Variants in PIP5K1C observed in about 807,000 individuals in gnomAD.
The protein encoded by PIP5K1C is phosphatidylinositol 4-phosphate 5-kinase type-1 gamma.
In PIP5K1C, 45 loss-of-function variants were observed where a neutral mutation model predicts 80.1. The ratio of observed to expected loss-of-function variants is 0.56; its 90% CI spans 0.44 to 0.72. The LOEUF is 0.72. Among genes scored for constraint, PIP5K1C ranks in the 30% least tolerant of loss-of-function variants. PIP5K1C has a pLI of 0.00. For missense variants in PIP5K1C, 753 were observed against 954.6 expected (o/e 0.79, Z 2.78); for synonymous variants, 498 against 420.1 (o/e 1.19, Z -2.27).
intron 7 of PIP5K1C, among the ~76,000 whole-genome samples, chr19:3,652,684 C>T (rs556013458): frequency 2.0e-4 from 30 of 152,316 alleles, no homozygotes; most frequent in African/African-American, 6.0e-4. Flanking sequence ...ACGGAGCCAA[C>T]GCAGGCTCCA....
chr19:3,679,846 G>T (rs1044747190), intron 1 of PIP5K1C, among the ~76,000 whole-genome samples: 1 of 152,242 alleles, frequency 6.6e-6, no homozygotes, highest in Admixed American at 6.5e-5. Flanking sequence ...CACGCATGGT[G>T]GACGGAGTGG....
chr19:3,659,302 T>A (rs2034749769), intron 5 of PIP5K1C, among the ~76,000 whole-genome samples: 2 of 152,164 alleles, frequency 1.3e-5, no homozygotes, highest in African/African-American at 4.8e-5. Flanking sequence ...CCCAAGAGAA[T>A]TCTCACACTC....
At chr19:3,689,879 C>T (rs1353518046) in intron 1 of PIP5K1C, among the ~76,000 whole-genome samples, 1 of 152,124 alleles carries the variant, frequency 6.6e-6, no homozygotes, top group Non-Finnish European at 1.5e-5. Context: ...CATGGCAAAA[C>T]GTTAGCAGCT....
chr19:3,635,134 A>C (rs1260707505), intron 16 of PIP5K1C, among the ~76,000 whole-genome samples: 1 of 152,220 alleles, frequency 6.6e-6, no homozygotes, highest in Non-Finnish European at 1.5e-5. Flanking sequence ...CCCTGAAAGA[A>C]CTGGCCCGCA....
In PIP5K1C at chr19:3,641,666, C is replaced by A. The variant is rs768309914; in HGVS notation, c.1787+39G>T. 6.0e-6 allele frequency: 9 copies of A among 1,499,476 alleles called. No homozygotes were observed. The South Asian group carries it at 1.0e-4, about 17-fold the overall frequency. The allele number at this position is 1,499,476 out of a possible 1,614,324, so 92.9% of individuals were successfully genotyped here. A position where few individuals can be genotyped will look rare whatever the true frequency, so the allele number is the denominator to read the frequency against. ...GCTCTTGGCTCCTCTGGGCCCGCAGCAGGTGGGCGCCCCGACCTCCCGCCG... is the reference window on the plus strand; with the variant it reads ...GCTCTTGGCTCCTCTGGGCCCGCAGAAGGTGGGCGCCCCGACCTCCCGCCG... On this transcript the variant is annotated intron_variant, in intron 15 of 17. Transcript: ENST00000335312.
chr19:3,671,018 G>C (rs749018907), intron 1 of PIP5K1C, among the ~76,000 whole-genome samples: 21 of 152,260 alleles, frequency 1.4e-4, no homozygotes, highest in Non-Finnish European at 2.5e-4. Flanking sequence ...GGCGGCCCGG[G>C]AGCAGAACAA....
intron 3 of PIP5K1C, among the ~76,000 whole-genome samples, chr19:3,663,897 T>C (rs2034920322): frequency 6.6e-6 from 1 of 152,040 alleles, no homozygotes; most frequent in Admixed American, 6.5e-5. Context: ...AACGAACACA[T>C]GTATCCACAC....
chr19:3,652,231 G>A (rs900766592), intron 7 of PIP5K1C, among the ~76,000 whole-genome samples, 200 bp from the exon 8 acceptor site: 16 of 152,236 alleles, frequency 1.1e-4, no homozygotes, highest in Admixed American at 4.6e-4. Flanking sequence ...CGGCATCAGA[G>A]CAGGCCAGAG....
At chr19:3,697,105 C>T (rs1321562281) in intron 1 of PIP5K1C, among the ~76,000 whole-genome samples, 1 of 146,412 alleles carries the variant, frequency 6.8e-6, no homozygotes, top group African/African-American at 2.6e-5. Context: ...CGAGGAGGAC[C>T]AAGGAGGACC....
intron 1 of PIP5K1C, 53 bp downstream of exon 1, chr19:3,700,244 T>G: frequency 9.7e-7 from 1 of 1,030,656 alleles, no homozygotes; most frequent in Non-Finnish European, 1.2e-6. Flanking sequence ...CCCGCGACTC[T>G]CGGCGCTCGG....
At chr19:3,633,382 C>A in intron 17 of PIP5K1C, 55 bp downstream of exon 17, 1 of 1,353,052 alleles carries the variant, frequency 7.4e-7, no homozygotes, top group Non-Finnish European at 1.0e-6. Flanking sequence ...GGGGACCACG[C>A]TCAGTAGAAC....
In PIP5K1C at chr19:3,638,896, G is replaced by A. The variant is rs374497446; in HGVS notation, c.1908C>T (p.Thr636=). Residue 636 remains threonine (T), a synonymous_variant, in exon 16 of 18, where the codon ACC becomes ACT. Transcript: ENST00000335312. ...CCGGGGCACTTACAAAGTAGATGTC[G>A]GTGGCGGGCGCGTCCTCCTCGTCCG... ...QASDEEDAPA[T]DIYFPTDERS... The A allele has an allele frequency of 2.4e-5, 38 of 1,613,012 alleles. No individual in the cohort carries two copies. The highest frequency in any genetic ancestry group is 1.8e-4 in the South Asian group (16 of 91,072).
At chr19:3,685,276 T>G (rs2035720944) in intron 1 of PIP5K1C, among the ~76,000 whole-genome samples, 1 of 152,196 alleles carries the variant, frequency 6.6e-6, no homozygotes, top group Admixed American at 6.5e-5. Context: ...TGTGTGCCCT[T>G]GGCAGCAACT....
intron 15 of PIP5K1C, among the ~76,000 whole-genome samples, chr19:3,641,413 T>C (rs1457231440): frequency 6.6e-6 from 1 of 152,100 alleles, no homozygotes; most frequent in African/African-American, 2.4e-5. Context: ...CACTGCAGGC[T>C]GATGCTGAGC....
At chr19:3,676,976 C>G (rs558227110) in intron 1 of PIP5K1C, among the ~76,000 whole-genome samples, 1 of 152,100 alleles carries the variant, frequency 6.6e-6, no homozygotes, top group African/African-American at 2.4e-5. Flanking sequence ...GTGGTGCACA[C>G]CTGTATTTCT....
chr19:3,686,590 C>T (rs1465113845), intron 1 of PIP5K1C, among the ~76,000 whole-genome samples: 4 of 151,452 alleles, frequency 2.6e-5, no homozygotes, highest in African/African-American at 7.3e-5. Flanking sequence ...TGATGGCGGG[C>T]GCCTGTAATC....
intron 1 of PIP5K1C, among the ~76,000 whole-genome samples, chr19:3,679,236 G>A (rs1264650603): frequency 2.6e-5 from 4 of 152,062 alleles, no homozygotes; most frequent in South Asian, 2.1e-4. Context: ...GTGGGGACAC[G>A]GGTCACAGAG....
At chr19:3,668,695 C>T (rs987049763) in intron 1 of PIP5K1C, among the ~76,000 whole-genome samples, 2 of 152,192 alleles carry the variant, frequency 1.3e-5, no homozygotes, top group Non-Finnish European at 2.9e-5. Context: ...CCTGGTCTCG[C>T]CCTCAAGGGG....
chr19:3,700,274 GC>G, intron 1 of PIP5K1C, 22 bp downstream of exon 1: 3 of 1,220,310 alleles, frequency 2.5e-6, no homozygotes, highest in South Asian at 1.8e-5. Context: ...GCGGGCCGCA[GC>G]CCCGGGAGGC....
Sources: gnomAD v4.1 joint callset for allele counts (sites outside exome capture counted in the v4.1 genomes callset) on GRCh38, gnomAD v4.1.1 for gene constraint, MANE v1.5 for transcripts, NCBI Gene and HGNC (gene_info 2026-07-23, HGNC 2026-07-21) for gene names.